Variants in TNKS observed in about 807,000 individuals in gnomAD.
TNKS encodes the protein tankyrase.
Under a neutral mutation model 135.8 loss-of-function variants are expected in TNKS, and 72 were observed. That is an observed-to-expected ratio of 0.53 (90% CI 0.44 to 0.64). The LOEUF is 0.64. Ranked by LOEUF, TNKS falls within the 30% of genes least tolerant of loss-of-function variation. The pLI is 0.00. For missense variants in TNKS, 1,769 were observed against 1,674.0 expected, an observed-to-expected ratio of 1.06 and a Z score of -0.99; for synonymous variants, 849 against 649.3, an observed-to-expected ratio of 1.31 and a Z score of -4.68.
intron 10 of TNKS, 46 bp from the exon 11 acceptor site, chr8:9,710,096 A>G (rs748856439): frequency 1.9e-6 from 3 of 1,612,096 alleles, no homozygotes; most frequent in Non-Finnish European, 2.5e-6. Flanking sequence ...AGGAAATGCA[A>G]TAAAAGAGAG....
At chr8:9,567,663 C>T (rs750263537) in intron 1 of TNKS, among the ~76,000 whole-genome samples, 40 of 152,176 alleles carry the variant, frequency 2.6e-4, no homozygotes, top group Non-Finnish European at 4.9e-4. Context: ...GTGATCTGCC[C>T]GCCTTGGCCT....
At chr8:9,634,353 A>G (rs951038594) in intron 3 of TNKS, among the ~76,000 whole-genome samples, 1 of 152,222 alleles carries the variant, frequency 6.6e-6, no homozygotes, top group African/African-American at 2.4e-5. Context: ...CTATATTTCA[A>G]ACAACCACAC....
rs183007710 is a variant in TNKS, at chr8:9,728,291, G to C, written c.2001+1571G>C. On this transcript the variant is annotated intron_variant, in intron 13 of 26. Transcript: ENST00000310430. ...GACTTTAGAAAGTAGTAGAACTGAGGTTTTAGAAGAAAAGGCTGCCTGCTG... is the reference window on the plus strand; with the variant it reads ...GACTTTAGAAAGTAGTAGAACTGAGCTTTTAGAAGAAAAGGCTGCCTGCTG... Among the ~76,000 whole-genome samples, 213 of 152,296 alleles carry C rather than the reference G, an allele frequency of 1.4e-3. 1 individual carries two copies. The highest frequency in any genetic ancestry group is 5.0e-3 in the African/African-American group (208 of 41,574).
chr8:9,583,612 C>T (rs1166568595), intron 2 of TNKS, among the ~76,000 whole-genome samples: 1 of 151,888 alleles, frequency 6.6e-6, no homozygotes, highest in African/African-American at 2.4e-5. Context: ...CCTCAGCCTC[C>T]CAAGTAGCTG....
At chr8:9,564,106 A>AT (rs1479229382) in intron 1 of TNKS, among the ~76,000 whole-genome samples, 4 of 152,090 alleles carry the variant, frequency 2.6e-5, no homozygotes, top group Non-Finnish European at 5.9e-5. Flanking sequence ...CCTATGAGAC[A>AT]TTTTTTCAGG....
chr8:9,605,601 A>G (rs915149773), intron 2 of TNKS, among the ~76,000 whole-genome samples: 7 of 152,110 alleles, frequency 4.6e-5, no homozygotes, highest in African/African-American at 1.4e-4. Flanking sequence ...ATTCATTTGT[A>G]ATGCCCACAA....
At chr8:9,708,756 G>C (rs1026047190) in intron 9 of TNKS, among the ~76,000 whole-genome samples, 14 of 151,768 alleles carry the variant, frequency 9.2e-5, no homozygotes, top group African/African-American at 3.4e-4. Flanking sequence ...CCACTTTTGT[G>C]GCCAGTGCTT....
chr8:9,716,126 T>G (rs1171888948), intron 11 of TNKS, among the ~76,000 whole-genome samples: 1 of 152,196 alleles, frequency 6.6e-6, no homozygotes, highest in Non-Finnish European at 1.5e-5. Flanking sequence ...ATGTCTTAAT[T>G]TGACAGATTT....
chr8:9,661,796 C>G (rs1485565983), intron 3 of TNKS, among the ~76,000 whole-genome samples: 1 of 152,138 alleles, frequency 6.6e-6, no homozygotes, highest in Non-Finnish European at 1.5e-5. Flanking sequence ...AGTGAACGGG[C>G]TACCTACAGA....
intron 18 of TNKS, among the ~76,000 whole-genome samples, chr8:9,749,743 A>G (rs560000173): frequency 3.3e-5 from 5 of 152,138 alleles, no homozygotes; most frequent in Admixed American, 1.3e-4. Context: ...TCAGCCTCCC[A>G]AAGTGCTGGG....
At chr8:9,613,918 A>AT (rs761550183) in intron 2 of TNKS, among the ~76,000 whole-genome samples, 4 of 152,242 alleles carry the variant, frequency 2.6e-5, no homozygotes, top group Non-Finnish European at 5.9e-5. Flanking sequence ...TCAAACTCAG[A>AT]TAAAAATATT....
intron 12 of TNKS, 135 bp downstream of exon 12, chr8:9,720,680 TC>T: frequency 1.0e-6 from 1 of 984,082 alleles, no homozygotes; most frequent in Non-Finnish European, 1.4e-6. Context: ...CCTGTGGACT[TC>T]CCCATCTCCC....
intron 3 of TNKS, among the ~76,000 whole-genome samples, chr8:9,636,708 G>C (rs966832653): frequency 5.3e-5 from 8 of 152,116 alleles, no homozygotes; most frequent in Non-Finnish European, 1.0e-4. Flanking sequence ...TTTTCCATAA[G>C]ATGACAATAG....
intron 2 of TNKS, among the ~76,000 whole-genome samples, chr8:9,613,387 A>G (rs1184740074): frequency 6.6e-6 from 1 of 152,150 alleles, no homozygotes; most frequent in Non-Finnish European, 1.5e-5. Context: ...CCTCCTGGCA[A>G]TCTTGTAATC....
intron 1 of TNKS, chr8:9,566,133 T>G (rs901727979): frequency 6.6e-6 from 1 of 152,170 alleles, no homozygotes; most frequent in African/African-American, 2.4e-5. Flanking sequence ...GCTTGGGTTA[T>G]TCTCATGTTG....
At position 9,781,866 on chromosome 8, in the gene TNKS, CT is replaced by C. The variant is rs1156238531; in HGVS notation, c.*5131del. On this transcript the variant is annotated 3_prime_UTR_variant, in exon 27 of 27. Transcript: ENST00000310430. ...ACAGTGGCAGGGGTTACAACCCCCT[CT>C]CCTTTCTTTTTTGTATTTATCTATT... 5.2e-5 allele frequency: 8 copies of C among 152,674 alleles called. No individual in the cohort carries two copies. The South Asian group carries it at 6.2e-4, about 12-fold the overall frequency. The allele number at this position is 152,674 out of a possible 1,614,324, so 9.5% of individuals were successfully genotyped here. A position where few individuals can be genotyped will look rare whatever the true frequency, so the allele number is the denominator to read the frequency against.
intron 1 of TNKS, among the ~76,000 whole-genome samples, chr8:9,578,288 T>C (rs1438900892): frequency 6.6e-6 from 1 of 152,134 alleles, no homozygotes; most frequent in Non-Finnish European, 1.5e-5. Context: ...AGTAGGGCAT[T>C]GATGGTAGAG....
chr8:9,712,737 A>C (rs976572894), intron 11 of TNKS, among the ~76,000 whole-genome samples: 7 of 151,830 alleles, frequency 4.6e-5, no homozygotes, highest in Non-Finnish European at 7.4e-5. Context: ...AATAATAAAA[A>C]AAAATAGCCA....
chr8:9,716,250 C>G (rs892377434), intron 11 of TNKS, among the ~76,000 whole-genome samples: 1 of 151,910 alleles, frequency 6.6e-6, no homozygotes, highest in Non-Finnish European at 1.5e-5. Flanking sequence ...ATGTGTCAGC[C>G]CATTATAAGA....
Sources: allele counts gnomAD v4.1 joint callset (sites outside exome capture counted in the v4.1 genomes callset), GRCh38; gene constraint gnomAD v4.1.1; transcripts MANE v1.5; gene names NCBI Gene and HGNC (gene_info 2026-07-23, HGNC 2026-07-21).